Variants in PPFIA2 observed in about 807,000 individuals in gnomAD.
PPFIA2 encodes the protein PPFI scaffold protein A2.
PPFIA2 carries 46 observed loss-of-function variants against 175.5 expected under a neutral mutation model. The ratio of observed to expected loss-of-function variants is 0.26; its 90% CI spans 0.21 to 0.34. PPFIA2 has a LOEUF of 0.34. Ranked by LOEUF, PPFIA2 falls within the 10% of genes least tolerant of loss-of-function variation. The pLI is 1.00. For synonymous variants in PPFIA2, 568 were observed against 511.4 expected (o/e 1.11, Z -1.49); for missense variants, 1,179 against 1,506.1 (o/e 0.78, Z 3.60).
intron 29 of PPFIA2, chr12:81,267,284 T>C (rs1161162572): frequency 3.8e-6 from 2 of 522,306 alleles, no homozygotes; most frequent in South Asian, 1.6e-5. Context: ...TTCGTTACTA[T>C]ATTTCAATTG....
intron 24 of PPFIA2, among the ~76,000 whole-genome samples, chr12:81,291,015 A>G (rs1020775552): frequency 1.3e-5 from 2 of 151,820 alleles, no homozygotes; most frequent in African/African-American, 4.8e-5. Flanking sequence ...CTTACACTAC[A>G]TTACTAAATT....
intron 22 of PPFIA2, among the ~76,000 whole-genome samples, chr12:81,320,772 T>C (rs963048272): frequency 1.3e-5 from 2 of 152,084 alleles, no homozygotes; most frequent in African/African-American, 4.8e-5. Flanking sequence ...TTTTAATATG[T>C]TCACTGCCTA....
At chr12:81,603,525 T>A (rs891108403) in intron 4 of PPFIA2, among the ~76,000 whole-genome samples, 1 of 151,652 alleles carries the variant, frequency 6.6e-6, no homozygotes, top group African/African-American at 2.4e-5. Context: ...ACAGATACAC[T>A]TTTTGAAAAA....
At chr12:81,682,073 T>G (rs758799794) in intron 3 of PPFIA2, among the ~76,000 whole-genome samples, 2 of 152,116 alleles carry the variant, frequency 1.3e-5, no homozygotes, top group Non-Finnish European at 2.9e-5. Flanking sequence ...TGCATTGTTA[T>G]GGGTTAAATT....
chr12:81,730,888 G>C (rs2080802339), intron 3 of PPFIA2, among the ~76,000 whole-genome samples: 1 of 149,946 alleles, frequency 6.7e-6, no homozygotes, highest in Non-Finnish European at 1.5e-5. Context: ...GTATAAATGA[G>C]TTCTTGTTAT....
chr12:81,648,984 C>A (rs928236282), intron 4 of PPFIA2, among the ~76,000 whole-genome samples: 3 of 151,394 alleles, frequency 2.0e-5, no homozygotes, highest in African/African-American at 7.3e-5. Context: ...ATTCACAGAT[C>A]ATAAGTCTAA....
rs2034416240 is a variant in PPFIA2 at position 81,258,399 on chromosome 12, AAAG to A, written c.*1292_*1294del. The A allele has an allele frequency of 1.3e-5, 2 of 152,170 alleles. No individual in the cohort carries two copies. Among genetic ancestry groups the A allele is most frequent in the Admixed American group, 1.3e-4 (2 of 15,256 alleles). The allele number at this position is 152,170 out of a possible 1,614,324, so 9.4% of individuals were successfully genotyped here. On this transcript the variant is annotated 3_prime_UTR_variant, in exon 33 of 33. Transcript: ENST00000549396. ...CAAACATAGCAAATTAAAATACAGA[AAAG>A]AAATTACTAATGACAGGTCTTGCGC...
At chr12:81,648,955 C>T (rs1324514535) in intron 4 of PPFIA2, among the ~76,000 whole-genome samples, 3 of 151,310 alleles carry the variant, frequency 2.0e-5, no homozygotes, top group Non-Finnish European at 3.0e-5. Context: ...TATTTACATG[C>T]CATACACAAA....
At chr12:81,415,665 TTTTTAG>T (rs1186421962) in intron 7 of PPFIA2, among the ~76,000 whole-genome samples, 1 of 150,742 alleles carries the variant, frequency 6.6e-6, no homozygotes, top group Non-Finnish European at 1.5e-5. Context: ...AAAACTGTTA[TTTTTAG>T]TTTTAAGTTT....
At chr12:81,577,846 C>T (rs563671774) in intron 4 of PPFIA2, among the ~76,000 whole-genome samples, 3 of 151,678 alleles carry the variant, frequency 2.0e-5, no homozygotes, top group Admixed American at 1.3e-4. Flanking sequence ...AGAAATTATC[C>T]CAAAATTTAG....
chr12:81,664,457 C>G (rs1288122512), intron 4 of PPFIA2, among the ~76,000 whole-genome samples: 1 of 152,094 alleles, frequency 6.6e-6, no homozygotes, highest in African/African-American at 2.4e-5. Flanking sequence ...CACTGGCCAT[C>G]AGAGAAATGC....
At chr12:81,441,785 C>T (rs1013631988) in intron 6 of PPFIA2, among the ~76,000 whole-genome samples, 1 of 151,914 alleles carries the variant, frequency 6.6e-6, no homozygotes, top group African/African-American at 2.4e-5. Flanking sequence ...CTGTAAAATA[C>T]GGGTGTCCTG....
intron 22 of PPFIA2, among the ~76,000 whole-genome samples, chr12:81,315,756 G>T (rs2052196789): frequency 6.6e-6 from 1 of 151,624 alleles, no homozygotes; most frequent in African/African-American, 2.4e-5. Flanking sequence ...GTGACATCAA[G>T]AACTGCTTAA....
At chr12:81,457,916 GA>G (rs767746697) in intron 4 of PPFIA2, 50 bp from the exon 5 acceptor site, 2 of 1,262,570 alleles carry the variant, frequency 1.6e-6, no homozygotes, top group East Asian at 5.0e-5. Context: ...TCTAAAAGCA[GA>G]AAAAAATTCA....
At chr12:81,620,180 A>AAG (rs1555530475) in intron 4 of PPFIA2, among the ~76,000 whole-genome samples, 6 of 150,724 alleles carry the variant, frequency 4.0e-5, no homozygotes, top group African/African-American at 1.5e-4. Flanking sequence ...AAAAAAAAAA[A>AAG]AAGAAGAAAG....
chr12:81,737,382 G>A (rs1228770234), intron 3 of PPFIA2, among the ~76,000 whole-genome samples: 1 of 151,878 alleles, frequency 6.6e-6, no homozygotes, highest in African/African-American at 2.4e-5. Flanking sequence ...GATCTTCCCA[G>A]GGATTATCTG....
intron 4 of PPFIA2, among the ~76,000 whole-genome samples, chr12:81,522,145 A>C (rs1392600089): frequency 6.6e-6 from 1 of 152,202 alleles, no homozygotes; most frequent in Non-Finnish European, 1.5e-5. Flanking sequence ...TGGACAACAA[A>C]CATTCATTAT....
chr12:81,695,333 G>C (rs1376670275), intron 3 of PPFIA2, among the ~76,000 whole-genome samples: 1 of 152,140 alleles, frequency 6.6e-6, no homozygotes, highest in Non-Finnish European at 1.5e-5. Flanking sequence ...GATCATAGGA[G>C]CATATCCTTC....
intron 4 of PPFIA2, among the ~76,000 whole-genome samples, chr12:81,614,679 T>C (rs2153473329): frequency 6.6e-6 from 1 of 152,276 alleles, no homozygotes; most frequent in Admixed American, 6.5e-5. Context: ...GAATTTTATT[T>C]AAAGACAAAG....
Sources: allele counts gnomAD v4.1 joint callset (sites outside exome capture counted in the v4.1 genomes callset), GRCh38; gene constraint gnomAD v4.1.1; transcripts MANE v1.5; gene names NCBI Gene and HGNC (gene_info 2026-07-23, HGNC 2026-07-21).